Variants in SLC17A1 observed in about 807,000 individuals in gnomAD.
SLC17A1 encodes sodium-dependent phosphate transport protein 1.
Under a neutral mutation model 53.5 loss-of-function variants are expected in SLC17A1, and 51 were observed. That is an observed-to-expected ratio of 0.95 (90% CI 0.76 to 1.20). The LOEUF is 1.20. SLC17A1 is among the 50% of genes most tolerant of loss of function. The pLI is 0.00. For missense variants in SLC17A1, 538 were observed against 568.2 expected (o/e 0.95, Z 0.54); for synonymous variants, 179 against 198.8 (o/e 0.90, Z 0.84).
In SLC17A1 at chr6:25,819,929, G is replaced by C. The variant is rs200114666; in HGVS notation, c.208-14C>G. 6.5e-7 allele frequency: 1 copy of C among 1,542,668 alleles called. No individual in the cohort carries two copies. Among genetic ancestry groups the C allele is most frequent in the Admixed American group, 1.8e-5 (1 of 57,008 alleles). On this transcript the variant is annotated splice_polypyrimidine_tract_variant and intron_variant, in intron 3 of 12. Coordinates refer to ENST00000244527, the MANE Select transcript of SLC17A1 (RefSeq NM_005074.5). Reference sequence around the variant, plus strand: ...ATACATAGGGTTCTAAAAGACAAGGGGGGACATGTCGAATCACTCTGCATA... The same window carrying C: ...ATACATAGGGTTCTAAAAGACAAGGCGGGACATGTCGAATCACTCTGCATA...
intron 9 of SLC17A1, 44 bp downstream of exon 9, chr6:25,811,594 G>A: frequency 6.2e-7 from 1 of 1,613,544 alleles, no homozygotes; most frequent in South Asian, 1.1e-5. Flanking sequence ...AAAGATAGGG[G>A]AGAAGTATCT....
At chr6:25,808,502 AAG>A (rs1764035982) in intron 10 of SLC17A1, among the ~76,000 whole-genome samples, 1 of 151,988 alleles carries the variant, frequency 6.6e-6, no homozygotes, top group African/African-American at 2.4e-5. Flanking sequence ...TTGAAAAAAG[AAG>A]AATTTTTTTT....
chr6:25,726,120 G>T, the SLC17A1 span: 2 of 1,508,086 alleles, frequency 1.3e-6, no homozygotes, highest in South Asian at 2.8e-5. Flanking sequence ...TTTTACCAAT[G>T]ACAACCTTAA....
At chr6:25,822,045 TCTAA>T (rs1260351519) in intron 3 of SLC17A1, among the ~76,000 whole-genome samples, 1 of 152,218 alleles carries the variant, frequency 6.6e-6, no homozygotes, top group African/African-American at 2.4e-5. Context: ...TGGTAGAATT[TCTAA>T]CTGTCAAGTT....
At chr6:25,805,712 A>G (rs1467267709) in intron 10 of SLC17A1, among the ~76,000 whole-genome samples, 3 of 152,088 alleles carry the variant, frequency 2.0e-5, no homozygotes, top group Non-Finnish European at 4.4e-5. Flanking sequence ...CAGAAATACA[A>G]AAGACCATTA....
At chr6:25,799,960 T>A (rs1470580697) in intron 11 of SLC17A1, among the ~76,000 whole-genome samples, 1 of 152,162 alleles carries the variant, frequency 6.6e-6, no homozygotes, top group Non-Finnish European at 1.5e-5. Flanking sequence ...GAGATTGTGG[T>A]GGTGGAAGAC....
At chr6:25,771,121 T>C in the SLC17A1 span, 2 of 925,844 alleles carry the variant, frequency 2.2e-6, no homozygotes. Context: ...TAGCTAAAGC[T>C]GGTAGTGTTC....
At chr6:25,789,098 C>G (rs1195712200) in intron 12 of SLC17A1, among the ~76,000 whole-genome samples, 2 of 152,116 alleles carry the variant, frequency 1.3e-5, no homozygotes, top group African/African-American at 4.8e-5. Context: ...CCACTGAGAT[C>G]TTGGTTTCTA....
At chr6:25,770,785 C>G in the SLC17A1 span, 1 of 704,880 alleles carries the variant, frequency 1.4e-6, no homozygotes, top group Non-Finnish European at 2.5e-6. Context: ...TCCAAGATCA[C>G]ATAGTTACCA....
the SLC17A1 span, chr6:25,773,809 G>T: frequency 7.6e-6 from 6 of 788,460 alleles, no homozygotes; most frequent in East Asian, 1.6e-4. Context: ...TATAGGAAAT[G>T]CAATCTAGTT....
the SLC17A1 span, among the ~76,000 whole-genome samples, chr6:25,756,261 C>T: frequency 6.6e-6 from 1 of 152,146 alleles, no homozygotes; most frequent in African/African-American, 2.4e-5. Context: ...GTTGGACTAC[C>T]TTCTGCCTAG....
intron 3 of SLC17A1, among the ~76,000 whole-genome samples, chr6:25,824,033 A>T (rs1355229587): frequency 6.6e-6 from 1 of 152,026 alleles, no homozygotes; most frequent in Non-Finnish European, 1.5e-5. Flanking sequence ...GGCTGAAAAA[A>T]ATTGTACATC....
the SLC17A1 span, among the ~76,000 whole-genome samples, chr6:25,749,131 T>G: frequency 1.3e-4 from 20 of 152,298 alleles, 1 homozygote; most frequent in East Asian, 3.9e-3. Context: ...GACTATCACA[T>G]GGGGAGAAAC....
intron 10 of SLC17A1, among the ~76,000 whole-genome samples, chr6:25,810,732 C>T (rs1182886109): frequency 6.6e-6 from 1 of 152,124 alleles, no homozygotes; most frequent in African/African-American, 2.4e-5. Flanking sequence ...ACTATATGAT[C>T]CAGCAATTCC....
At chr6:25,739,028 A>G in the SLC17A1 span, among the ~76,000 whole-genome samples, 1 of 152,202 alleles carries the variant, frequency 6.6e-6, no homozygotes, top group African/African-American at 2.4e-5. Flanking sequence ...TACTCCCACT[A>G]TGGAACATTC....
intron 10 of SLC17A1, among the ~76,000 whole-genome samples, chr6:25,802,781 T>A (rs1763819686): frequency 6.6e-6 from 1 of 151,996 alleles, no homozygotes; most frequent in South Asian, 2.1e-4. Context: ...GTGGCTGTTT[T>A]AAAGATTTTG....
chr6:25,727,373 T>A, the SLC17A1 span: 1 of 1,325,264 alleles, frequency 7.5e-7, no homozygotes, highest in Non-Finnish European at 1.0e-6. Flanking sequence ...GTGGGCTTCG[T>A]TTTTGTGTAG....
In SLC17A1 at chr6:25,826,444, GA is replaced by G; in HGVS notation, c.207+16del. 1 of 1,577,576 alleles carries G rather than the reference GA, an allele frequency of 6.3e-7. No homozygotes were observed. The highest frequency in any genetic ancestry group is 8.6e-7 in the Non-Finnish European group (1 of 1,160,542). ...AGGCTTTTAAACATTTGACTGTGGG[GA>G]AAATTATTGATGTACCTTTATATTA... On this transcript the variant is annotated intron_variant, in intron 3 of 12. Transcript: ENST00000244527.
chr6:25,781,918 A>T (rs901661815), downstream of SLC17A1, among the ~76,000 whole-genome samples: 1 of 152,250 alleles, frequency 6.6e-6, no homozygotes, highest in Non-Finnish European at 1.5e-5. Context: ...CTGCAAAAGC[A>T]TATGGGCTCG....
Sources: allele counts gnomAD v4.1 joint callset (sites outside exome capture counted in the v4.1 genomes callset), GRCh38; gene constraint gnomAD v4.1.1; transcripts MANE v1.5; gene names NCBI Gene and HGNC (gene_info 2026-07-23, HGNC 2026-07-21).